EML3: variants seen among roughly 807,000 people sequenced by gnomAD.
EML3 encodes echinoderm microtubule-associated protein-like 3.
In EML3, 53 loss-of-function variants were observed where a neutral mutation model predicts 106.7. The ratio of observed to expected loss-of-function variants is 0.50; its 90% CI spans 0.40 to 0.62. The LOEUF (loss-of-function observed/expected upper bound fraction) is 0.62, where lower values mean the gene tolerates loss of function less well. EML3 is among the 20% of genes least tolerant of loss of function. The probability of loss-of-function intolerance (pLI) is 0.00; values close to 1 mark genes in which losing one functional copy is unlikely to be tolerated. For synonymous variants in EML3, 499 were observed against 489.6 expected (o/e 1.02, Z -0.25); for missense variants, 994 against 1,209.1 (o/e 0.82, Z 2.64).
chr11:62,602,418 AAGGGC>A lies in EML3; in HGVS notation c.*52_*56del, dbSNP rs573593516. 121 of 1,534,448 alleles carry A rather than the reference AAGGGC, an allele frequency of 7.9e-5. No homozygotes were observed. The highest frequency in any genetic ancestry group is 1.8e-4 in the African/African-American group (13 of 72,460). ...CTAGTCGTGGGGGATTGGGCCAGGG[AAGGGC>A]AGGGCGGGGCGGGGCCACGCCGCCG... On this transcript the variant is annotated 3_prime_UTR_variant, in exon 22 of 22. Coordinates refer to ENST00000394773, the MANE Select transcript of EML3 (RefSeq NM_153265.3).
In EML3 at chr11:62,608,796, A is replaced by C; in HGVS notation, c.939T>G (p.Val313=). ...GHTDCVRCLA[V]HPDGVRVASG... ...AGGCTACCCGAACACCATCAGGGTG[A>C]ACAGCAAGGCTAAGGCAGGGGGAAG... Residue 313 remains valine (V), a synonymous_variant, in exon 8 of 22, where the codon GTT becomes GTG. Coordinates refer to ENST00000394773, the MANE Select transcript of EML3 (RefSeq NM_153265.3). The C allele has an allele frequency of 6.3e-7, 1 of 1,575,814 alleles. No homozygotes were observed. Among genetic ancestry groups the C allele is most frequent in the Non-Finnish European group, 8.6e-7 (1 of 1,158,686 alleles).
intron 10 of EML3, 119 bp from the exon 11 acceptor site, chr11:62,607,940 C>A: frequency 8.1e-7 from 1 of 1,234,300 alleles, no homozygotes; most frequent in Non-Finnish European, 1.1e-6. Flanking sequence ...CCAGGACAAC[C>A]CTTCTTTCAA....
chr11:62,606,874 A>AAT, intron 12 of EML3, 84 bp downstream of exon 12: 1 of 1,395,234 alleles, frequency 7.2e-7, no homozygotes, highest in Non-Finnish European at 9.6e-7. Context: ...AAAAAAAAAA[A>AAT]GATGGGAATG....
rs1280614948 is a variant in EML3, at chr11:62,605,910, G to A, written c.1727C>T (p.Thr576Met). The A allele has an allele frequency of 3.1e-6, 5 of 1,614,196 alleles. No homozygotes were observed. The highest frequency in any genetic ancestry group is 1.7e-5 in the Admixed American group (1 of 60,028). ...GTCTCCCCTCAGCAATGCATTCTTC[G>A]TGGTTCCCACCAGCAGCTCAGAGCC... is the stretch of plus-strand genomic sequence containing the variant. Reference protein sequence around the residue: ...GLGSELLVGTTKNALLRGDLA... With the variant: ...GLGSELLVGTMKNALLRGDLA... Residue 576 changes from threonine (T) to methionine (M), a missense_variant, in exon 14 of 22, where the codon ACG (threonine) becomes ATG (methionine). Transcript: ENST00000394773. The surrounding 1 kb of genome is among the most constrained non-coding windows in gnomAD (Gnocchi z 5.2).
In EML3 at chr11:62,608,615, G is replaced by A. The variant is rs766240914; in HGVS notation, c.1037C>T (p.Thr346Met). The A allele has an allele frequency of 2.7e-5, 43 of 1,614,084 alleles. No homozygotes were observed. The highest frequency in any genetic ancestry group is 1.6e-4 in the Middle Eastern group (1 of 6,084). Residue 346 changes from threonine to methionine, a missense_variant, in exon 9 of 22, where the codon ACG becomes ATG. Coordinates refer to ENST00000394773, the MANE Select transcript of EML3 (RefSeq NM_153265.3). Reference protein sequence around the residue: ...QPVVHIWDSETLLKLQEIGLG... With the variant: ...QPVVHIWDSEMLLKLQEIGLG... Reference sequence around the variant, plus strand: ...TCCAATCTCCTGCAGTTTCAACAGCGTCTCTGAGTCCCAGATGTGAACCAC... The same window carrying A: ...TCCAATCTCCTGCAGTTTCAACAGCATCTCTGAGTCCCAGATGTGAACCAC...
intron 9 of EML3, 60 bp from the exon 10 acceptor site, chr11:62,608,356 G>T: frequency 8.6e-6 from 13 of 1,511,806 alleles, no homozygotes; most frequent in Non-Finnish European, 1.2e-5. Flanking sequence ...GGGGTTCATG[G>T]TCATTAGGTT....
intron 19 of EML3, among the ~76,000 whole-genome samples, 156 bp from the exon 20 acceptor site, chr11:62,603,403 CCT>C (rs1942344868): frequency 6.6e-6 from 1 of 152,184 alleles, no homozygotes; most frequent in Admixed American, 6.5e-5. Flanking sequence ...TGAAACCCAC[CCT>C]GTGTGCGTCC....
intron 6 of EML3, 33 bp downstream of exon 6, chr11:62,609,321 G>A (rs551931534): frequency 6.5e-6 from 10 of 1,540,196 alleles, no homozygotes; most frequent in Admixed American, 2.0e-5. Context: ...GGTGAGAAAG[G>A]TGGTTCTCAT....
In EML3 at chr11:62,602,922, T is replaced by TA. The variant is rs896444391; in HGVS notation, c.2357-34dup. The TA allele has an allele frequency of 2.7e-6, 4 of 1,505,434 alleles. No individual in the cohort carries two copies. In the African/African-American group the frequency reaches 5.5e-5, roughly 21 times the overall value. 93.3% of individuals were successfully genotyped at this position (1,505,434 alleles called of 1,614,324 possible). A position where few individuals can be genotyped will look rare whatever the true frequency, so the allele number is the denominator to read the frequency against. ...AGCGGCCGGCCTCAGCCCGACCTCC[T>TA]ACCCACCGCCACCCACGGCCCAGAG... On this transcript the variant is annotated intron_variant, in intron 20 of 21. Transcript: ENST00000394773.
At position 62,605,867 on chromosome 11, in the gene EML3, G is replaced by T; in HGVS notation, c.1770C>A (p.Ser590=). ...CTTAACCCCCAACCTGGATTACAGG[G>T]GAGAAGCCCTGGGCCAGGTCTCCCC... The part of the protein sequence containing the change: ...LLRGDLAQGF[S]PVIQGHTDEL... The change falls in exon 14 of 22, where the codon TCC becomes TCA. Residue 590 remains serine, a synonymous_variant. Coordinates refer to ENST00000394773, the MANE Select transcript of EML3 (RefSeq NM_153265.3). The surrounding 1 kb of genome is among the most constrained non-coding windows in gnomAD (Gnocchi z 5.2). 1 of 1,614,194 alleles carries T rather than the reference G, an allele frequency of 6.2e-7. No individual in the cohort carries two copies. The highest frequency in any genetic ancestry group is 2.2e-5 in the East Asian group (1 of 44,884).
chr11:62,606,245 T>G, intron 12 of EML3, 31 bp from the exon 13 acceptor site: 1 of 1,606,932 alleles, frequency 6.2e-7, no homozygotes. Flanking sequence ...AGATCATGTT[T>G]TGGGGGTGCA....
chr11:62,605,877 T>C lies in EML3; in HGVS notation c.1760A>G (p.Gln587Arg). The change falls in exon 14 of 22, where the codon CAG (glutamine) becomes CGG (arginine). Residue 587 changes from glutamine (Q) to arginine (R), a missense_variant. This residue lies in a region of EML3 where 713 missense variants were observed against 920.5 expected (regional missense o/e 0.77). Transcript: ENST00000394773. The surrounding 1 kb of genome is among the most constrained non-coding windows in gnomAD (Gnocchi z 5.2). ...AACCTGGATTACAGGGGAGAAGCCC[T>C]GGGCCAGGTCTCCCCTCAGCAATGC... ...KNALLRGDLA[Q>R]GFSPVIQGHT... 1 of 1,614,196 alleles carries C rather than the reference T, an allele frequency of 6.2e-7. No homozygotes were observed. The highest frequency in any genetic ancestry group is 8.5e-7 in the Non-Finnish European group (1 of 1,180,036).
rs1268282064 is a variant in EML3 at position 62,602,904 on chromosome 11, G to A, written c.2357-15C>T. 2 of 1,534,172 alleles carry A rather than the reference G, an allele frequency of 1.3e-6. No homozygotes were observed. Among genetic ancestry groups the A allele is most frequent in the East Asian group, 2.3e-5 (1 of 42,744 alleles). ...CGGCCAGACGCCTAGCACAGCGGCCGGCCTCAGCCCGACCTCCTACCCACC... is the reference window on the plus strand; with the variant it reads ...CGGCCAGACGCCTAGCACAGCGGCCAGCCTCAGCCCGACCTCCTACCCACC... On this transcript the variant is annotated splice_polypyrimidine_tract_variant and intron_variant, in intron 20 of 21. Transcript: ENST00000394773.
Position 62,606,257 on chromosome 11 carries a change from G to A in EML3, c.1505-43C>T, listed in dbSNP as rs139879906. On this transcript the variant is annotated intron_variant, in intron 12 of 21. Transcript: ENST00000394773. ...GGTAGATCATGTTTTGGGGGTGCAGGGGAGTGAGAAACAGGGCCAGCTTGG... is the reference window on the plus strand; with the variant it reads ...GGTAGATCATGTTTTGGGGGTGCAGAGGAGTGAGAAACAGGGCCAGCTTGG... 8.6e-5 allele frequency: 137 copies of A among 1,593,874 alleles called. No homozygotes were observed. In the African/African-American group the frequency reaches 1.3e-3, roughly 15 times the overall value.
rs778892367 is a variant in EML3, at chr11:62,602,770, C to G, written c.2476G>C (p.Ala826Pro). Residue 826 changes from alanine (A) to proline (P), a missense_variant, in exon 21 of 22, where the codon GCT (alanine) becomes CCT (proline). Ala to Pro is a conservative substitution (Grantham distance 27). This residue lies in a region of EML3 where 713 missense variants were observed against 920.5 expected (regional missense o/e 0.77). Transcript: ENST00000394773. ...CKVHLFQYPCARAKAPSRMYG... is the reference protein window; with the variant it reads ...CKVHLFQYPCPRAKAPSRMYG... ...CCCCGCGGCCTCACCTTGGCACGAG[C>G]GCACGGGTACTGGAAGAGATGCACT... The G allele has an allele frequency of 1.2e-6, 2 of 1,611,484 alleles. No individual in the cohort carries two copies. The highest frequency in any genetic ancestry group is 1.7e-6 in the Non-Finnish European group (2 of 1,179,372).
chr11:62,602,508 G>A lies in EML3; in HGVS notation c.2658C>T (p.Pro886=). ...CGAGGGAGGAGGCGGGGGACAGGGAGGGGGTTCGAGAGGGCGTGGCGGGCG... is the reference window on the plus strand; with the variant it reads ...CGAGGGAGGAGGCGGGGGACAGGGAAGGGGTTCGAGAGGGCGTGGCGGGCG... ...GPAPATPSRT[P]SLSPASSLDV The change falls in exon 22 of 22, where the codon CCC becomes CCT. Residue 886 remains proline, a synonymous_variant. Transcript: ENST00000394773. The A allele has an allele frequency of 1.3e-6, 2 of 1,519,322 alleles. No individual in the cohort carries two copies. The highest frequency in any genetic ancestry group is 1.7e-4 in the Middle Eastern group (1 of 5,804). The allele number at this position is 1,519,322 out of a possible 1,614,324, so 94.1% of individuals were successfully genotyped here.
At position 62,603,210 on chromosome 11, in the gene EML3, G is replaced by C; in HGVS notation, c.2295C>G (p.Arg765=). 6.2e-7 allele frequency: 1 copy of C among 1,614,030 alleles called. No homozygotes were observed. Among genetic ancestry groups the C allele is most frequent in the South Asian group, 1.1e-5 (1 of 91,086 alleles). Reference sequence around the variant, plus strand: ...CCCATTCCCGGTCTCGGCTCTCATAGCGATTCTTCAGCTGCTTGCAGCCTC... The same window carrying C: ...CCCATTCCCGGTCTCGGCTCTCATACCGATTCTTCAGCTGCTTGCAGCCTC... The part of the protein sequence containing the change: ...VAGGCKQLKN[R]YESRDREWAT... The change falls in exon 20 of 22, where the codon CGC becomes CGG. Residue 765 remains arginine, a synonymous_variant. Transcript: ENST00000394773.
chr11:62,608,270 C>T lies in EML3; in HGVS notation c.1137G>A (p.Val379=). The change falls in exon 10 of 22, where the codon GTG becomes GTA. Residue 379 remains valine (V), a synonymous_variant. Coordinates refer to ENST00000394773, the MANE Select transcript of EML3 (RefSeq NM_153265.3). ...ACAGCATGTGCTCATTGGAATCATC[C>T]ACCACACAAAGAAAGGCACCCTGAT... is the stretch of plus-strand genomic sequence containing the variant. ...AADQGAFLCV[V]DDSNEHMLSV... 6 of 1,613,946 alleles carry T rather than the reference C, an allele frequency of 3.7e-6. No individual in the cohort carries two copies. The highest frequency in any genetic ancestry group is 5.1e-6 in the Non-Finnish European group (6 of 1,180,016).
At chr11:62,608,383 G>T in intron 9 of EML3, 87 bp from the exon 10 acceptor site, 1 of 1,410,444 alleles carries the variant, frequency 7.1e-7, no homozygotes, top group Non-Finnish European at 1.0e-6. Flanking sequence ...TACCATCACA[G>T]ATGGAGAGGG....
Sources: allele counts gnomAD v4.1 joint callset (sites outside exome capture counted in the v4.1 genomes callset), GRCh38; gene constraint gnomAD v4.1.1; regional missense constraint gnomAD v4.1.1; non-coding constraint Gnocchi (gnomAD v3.1); transcripts MANE v1.5; gene names NCBI Gene and HGNC (gene_info 2026-07-23, HGNC 2026-07-21).